Variants in FLNB observed in about 807,000 individuals in gnomAD.
The protein encoded by FLNB is filamin-B.
A neutral mutation model predicts 250.6 loss-of-function variants in FLNB; 111 were observed. That is an observed-to-expected ratio of 0.44 (90% CI 0.38 to 0.52). The LOEUF (loss-of-function observed/expected upper bound fraction) is 0.52, where lower values mean the gene tolerates loss of function less well. FLNB is among the 20% of genes least tolerant of loss of function. The pLI is 0.00. For missense variants in FLNB, 2,869 were observed against 3,447.8 expected (o/e 0.83, Z 4.20); for synonymous variants, 1,302 against 1,372.1 (o/e 0.95, Z 1.13).
At chr3:58,157,504 C>G (rs2097355058) in intron 41 of FLNB, among the ~76,000 whole-genome samples, 2 of 152,172 alleles carry the variant, frequency 1.3e-5, no homozygotes, top group African/African-American at 4.8e-5. Context: ...CAGACTCAGT[C>G]CACACATTGA....
Position 58,172,208 on chromosome 3 carries a change from A to C in FLNB, c.*1446A>C, listed in dbSNP as rs1404863523. 2.6e-5 allele frequency: 4 copies of C among 152,616 alleles called. No homozygotes were observed. Among genetic ancestry groups the C allele is most frequent in the Non-Finnish European group, 5.9e-5 (4 of 68,042 alleles). 9.5% of individuals were successfully genotyped at this position (152,616 alleles called of 1,614,324 possible). Reference sequence around the variant, plus strand: ...AAACTGGAATCAAACGCCGACTGTAAATTGTATCTTATAACTTATTAAATA... The same window carrying C: ...AAACTGGAATCAAACGCCGACTGTACATTGTATCTTATAACTTATTAAATA... On this transcript the variant is annotated 3_prime_UTR_variant, in exon 46 of 46. Transcript: ENST00000295956.
chr3:58,144,864 C>T (rs2097333288), intron 32 of FLNB, among the ~76,000 whole-genome samples: 1 of 152,244 alleles, frequency 6.6e-6, no homozygotes, highest in South Asian at 2.1e-4. Context: ...AATGAGACCA[C>T]ACAACTTTCC....
intron 27 of FLNB, 101 bp from the exon 28 acceptor site, chr3:58,135,878 G>GTT: frequency 8.3e-7 from 1 of 1,202,282 alleles, no homozygotes. Context: ...AATTCTGTCT[G>GTT]TTTCCACTAG....
chr3:58,097,327 AC>A (rs1282193357), intron 6 of FLNB, among the ~76,000 whole-genome samples: 1 of 151,700 alleles, frequency 6.6e-6, no homozygotes, highest in African/African-American at 2.4e-5. Context: ...CAACCCAATT[AC>A]CCCCCAAAAA....
At chr3:58,104,539 C>T (rs899854870) in intron 10 of FLNB, among the ~76,000 whole-genome samples, 9 of 152,212 alleles carry the variant, frequency 5.9e-5, no homozygotes, top group East Asian at 1.9e-4. Context: ...TGCCCCTCTG[C>T]GTTCTGTGTT....
chr3:58,054,373 C>T (rs545368609), intron 1 of FLNB, among the ~76,000 whole-genome samples: 1 of 152,286 alleles, frequency 6.6e-6, no homozygotes, highest in South Asian at 2.1e-4. Flanking sequence ...ACATTTCCAT[C>T]GTTGCAGAAA....
intron 16 of FLNB, among the ~76,000 whole-genome samples, chr3:58,110,563 G>T (rs1219072583): frequency 6.6e-6 from 1 of 151,624 alleles, no homozygotes; most frequent in East Asian, 1.9e-4. Context: ...TGATTCTCCT[G>T]CCTCAGCCTC....
At chr3:58,123,044 G>A (rs757303338) in intron 20 of FLNB, 49 bp from the exon 21 acceptor site, 1 of 1,524,020 alleles carries the variant, frequency 6.6e-7, no homozygotes. Context: ...AGCAGTGCTG[G>A]CTGAGCAGCG....
chr3:58,013,875 G>A (rs1031963288), intron 1 of FLNB, among the ~76,000 whole-genome samples: 1 of 152,164 alleles, frequency 6.6e-6, no homozygotes, highest in Admixed American at 6.5e-5. Flanking sequence ...ATAACAAGTT[G>A]TGGGCCATGT....
intron 1 of FLNB, among the ~76,000 whole-genome samples, chr3:58,032,851 T>C (rs1368249444): frequency 6.6e-6 from 1 of 152,136 alleles, no homozygotes; most frequent in Non-Finnish European, 1.5e-5. Flanking sequence ...GAGGATCTCT[T>C]GAGCCTGGGA....
At position 58,086,610 on chromosome 3, in the gene FLNB, C is replaced by G. The variant is rs192241920; in HGVS notation, c.787+4834C>G. Reference sequence around the variant, plus strand: ...GCAGAAAGATTATCTTATTATATAACAGTCTACGGCCATTTTTTCTTAAAC... The same window carrying G: ...GCAGAAAGATTATCTTATTATATAAGAGTCTACGGCCATTTTTTCTTAAAC... On this transcript the variant is annotated intron_variant, in intron 4 of 45. Coordinates refer to ENST00000295956, the MANE Select transcript of FLNB (RefSeq NM_001457.4). Among the ~76,000 whole-genome samples the G allele has an allele frequency of 2.5e-3, 384 of 152,178 alleles. 1 individual carries two copies. Among genetic ancestry groups the G allele is most frequent in the African/African-American group, 8.9e-3 (371 of 41,520 alleles).
intron 24 of FLNB, among the ~76,000 whole-genome samples, chr3:58,127,749 T>C (rs752034874): frequency 6.6e-6 from 1 of 152,208 alleles, no homozygotes; most frequent in African/African-American, 2.4e-5. Flanking sequence ...TAAATAAATA[T>C]ATGACTTAAG....
At chr3:58,073,292 T>C (rs1211342133) in intron 1 of FLNB, among the ~76,000 whole-genome samples, 2 of 152,186 alleles carry the variant, frequency 1.3e-5, no homozygotes, top group African/African-American at 4.8e-5. Flanking sequence ...AGTAACTCCG[T>C]AATCAATAGC....
At position 58,154,811 on chromosome 3, in the gene FLNB, C is replaced by T. The variant is rs1452080639; in HGVS notation, c.6655C>T (p.Arg2219Trp). The T allele has an allele frequency of 4.3e-6, 7 of 1,613,998 alleles. No homozygotes were observed. Among genetic ancestry groups the T allele is most frequent in the African/African-American group, 1.3e-5 (1 of 75,008 alleles). Reference sequence around the variant, plus strand: ...CTCAGCTGAGTTCAGCATTTGGACCCGGGAAGCAGGCGCTGGAGGCCTCTC... The same window carrying T: ...CTCAGCTGAGTTCAGCATTTGGACCTGGGAAGCAGGCGCTGGAGGCCTCTC... ...GVPAEFSIWTREAGAGGLSIA... is the reference protein window; with the variant it reads ...GVPAEFSIWTWEAGAGGLSIA... The change falls in exon 40 of 46, where the codon CGG (arginine) becomes TGG (tryptophan). Residue 2219 changes from arginine to tryptophan, a missense_variant. Transcript: ENST00000295956.
At chr3:58,137,410 T>C (rs2097318112) in intron 28 of FLNB, among the ~76,000 whole-genome samples, 2 of 152,256 alleles carry the variant, frequency 1.3e-5, no homozygotes, top group Admixed American at 1.3e-4. Flanking sequence ...GCAGGCCCTA[T>C]TTCCTCCCCC....
intron 16 of FLNB, 52 bp from the exon 17 acceptor site, chr3:58,111,739 C>A: frequency 7.3e-7 from 1 of 1,372,710 alleles, no homozygotes; most frequent in Non-Finnish European, 1.0e-6. Flanking sequence ...GCTCCCTGAG[C>A]TCTGGCTGTT....
At chr3:58,042,022 GTGAACCAC>G (rs2097146775) in intron 1 of FLNB, among the ~76,000 whole-genome samples, 1 of 152,170 alleles carries the variant, frequency 6.6e-6, no homozygotes, top group Non-Finnish European at 1.5e-5. Context: ...GGTCAGTTTG[GTGAACCAC>G]TTCATTTCTA....
Position 58,164,204 on chromosome 3 carries a change from G to A in FLNB, c.7198+874G>A, listed in dbSNP as rs1170604770. 6.6e-6 allele frequency: 1 copy of A among 152,354 alleles called. No homozygotes were observed. The highest frequency in any genetic ancestry group is 1.5e-5 in the Non-Finnish European group (1 of 68,108). 9.4% of individuals were successfully genotyped at this position (152,354 alleles called of 1,614,324 possible). A position where few individuals can be genotyped will look rare whatever the true frequency, so the allele number is the denominator to read the frequency against. On this transcript the variant is annotated intron_variant, in intron 43 of 45. Coordinates refer to ENST00000295956, the MANE Select transcript of FLNB (RefSeq NM_001457.4). This position sits in a 1 kb window ranked among gnomAD's most constrained non-coding sequence, Gnocchi z 4.0. Reference sequence around the variant, plus strand: ...TTAAAGATCTTTCCATGTCAGAACAGATCTTCCCCTCCTTTTCCTGGCTGT... The same window carrying A: ...TTAAAGATCTTTCCATGTCAGAACAAATCTTCCCCTCCTTTTCCTGGCTGT...
At chr3:58,125,207 A>G (rs1226465074) in intron 22 of FLNB, among the ~76,000 whole-genome samples, 1 of 152,042 alleles carries the variant, frequency 6.6e-6, no homozygotes, top group Non-Finnish European at 1.5e-5. Context: ...ATCACGGCTC[A>G]CTGCAGGCTC....
Sources: allele counts gnomAD v4.1 joint callset (sites outside exome capture counted in the v4.1 genomes callset), GRCh38; gene constraint gnomAD v4.1.1; non-coding constraint Gnocchi (gnomAD v3.1); transcripts MANE v1.5; gene names NCBI Gene and HGNC (gene_info 2026-07-23, HGNC 2026-07-21).